The following HS3ST4 variants were observed in gnomAD, a reference collection of about 807,000 sequenced individuals.
The protein encoded by HS3ST4 is heparan sulfate-glucosamine 3-sulfotransferase 4.
A neutral mutation model predicts 29.2 loss-of-function variants in HS3ST4; 17 were observed. The observed-to-expected ratio is 0.58, with a 90% CI of 0.40 to 0.87. The LOEUF (loss-of-function observed/expected upper bound fraction) is 0.87. HS3ST4 is among the 40% of genes least tolerant of loss of function. HS3ST4 has a pLI of 0.00. For missense variants in HS3ST4, 627 were observed against 634.5 expected (o/e 0.99, Z 0.13); for synonymous variants, 314 against 285.7 (o/e 1.10, Z -1.00).
chr16:26,066,935 T>C (rs983055318), intron 1 of HS3ST4, among the ~76,000 whole-genome samples: 1 of 152,180 alleles, frequency 6.6e-6, no homozygotes, highest in Non-Finnish European at 1.5e-5. Flanking sequence ...TTTTATGTAG[T>C]AAATAATCAT....
At chr16:26,089,459 G>A (rs1040015091) in intron 1 of HS3ST4, among the ~76,000 whole-genome samples, 1 of 152,186 alleles carries the variant, frequency 6.6e-6, no homozygotes, top group Admixed American at 6.5e-5. Flanking sequence ...AGGGTGGGGC[G>A]TAAAATCAGA....
intron 1 of HS3ST4, among the ~76,000 whole-genome samples, chr16:25,985,370 T>C (rs1216047197): frequency 6.6e-6 from 1 of 152,158 alleles, no homozygotes; most frequent in South Asian, 2.1e-4. Context: ...AGGTGGTTGC[T>C]TGCAGTTCTG....
chr16:25,854,329 G>A (rs1162742948), intron 1 of HS3ST4, among the ~76,000 whole-genome samples: 1 of 152,108 alleles, frequency 6.6e-6, no homozygotes, highest in Admixed American at 6.6e-5. Context: ...CATTGTCATG[G>A]CATTTGTAAA....
chr16:25,764,561 C>T (rs1015027570), intron 1 of HS3ST4, among the ~76,000 whole-genome samples: 1 of 152,178 alleles, frequency 6.6e-6, no homozygotes, highest in African/African-American at 2.4e-5. Context: ...CTGTGCCAGC[C>T]ACTGTTTGAA....
chr16:25,867,424 G>A (rs1175249182), intron 1 of HS3ST4, among the ~76,000 whole-genome samples: 1 of 152,158 alleles, frequency 6.6e-6, no homozygotes, highest in Non-Finnish European at 1.5e-5. Flanking sequence ...TCCCTAAGAG[G>A]AGGGACTGCT....
chr16:26,028,606 A>G (rs1208347326), intron 1 of HS3ST4, among the ~76,000 whole-genome samples: 1 of 152,150 alleles, frequency 6.6e-6, no homozygotes, highest in Non-Finnish European at 1.5e-5. Flanking sequence ...GCTGAGTGCA[A>G]TGTGATGGGC....
chr16:26,055,659 C>T (rs886184746), intron 1 of HS3ST4, among the ~76,000 whole-genome samples: 1 of 152,180 alleles, frequency 6.6e-6, no homozygotes, highest in Admixed American at 6.5e-5. Context: ...ATCTTCAAAT[C>T]CTGTAAACCT....
At chr16:25,838,364 G>T (rs565472447) in intron 1 of HS3ST4, among the ~76,000 whole-genome samples, 1 of 152,052 alleles carries the variant, frequency 6.6e-6, no homozygotes, top group African/African-American at 2.4e-5. Flanking sequence ...CTTTCATTCA[G>T]CATTTACTTA....
chr16:25,828,301 C>CCTCTCTCTCTCTCTCT (rs1196055715), intron 1 of HS3ST4, among the ~76,000 whole-genome samples: 15 of 32,892 alleles, frequency 4.6e-4, no homozygotes, highest in African/African-American at 1.0e-3. Context: ...TCTTTCTTTC[C>CCTCTCTCTCTCTCTCT]CTCTCTCTCT....
intron 1 of HS3ST4, among the ~76,000 whole-genome samples, chr16:25,885,730 A>G (rs181216585): frequency 1.9e-4 from 29 of 152,084 alleles, no homozygotes; most frequent in South Asian, 6.2e-4. Flanking sequence ...ATATATGTAT[A>G]TGTGTGTAAA....
At chr16:25,958,268 A>C (rs1329304384) in intron 1 of HS3ST4, among the ~76,000 whole-genome samples, 1 of 152,236 alleles carries the variant, frequency 6.6e-6, no homozygotes, top group Non-Finnish European at 1.5e-5. Context: ...TTAGTGTCTC[A>C]AATAATAACA....
intron 1 of HS3ST4, among the ~76,000 whole-genome samples, chr16:25,802,087 A>G (rs1966942516): frequency 6.6e-6 from 1 of 151,906 alleles, no homozygotes; most frequent in African/African-American, 2.4e-5. Flanking sequence ...GTGAAGGGAC[A>G]GACAGCAAAC....
intron 1 of HS3ST4, among the ~76,000 whole-genome samples, chr16:25,847,168 T>A (rs1398699488): frequency 6.6e-6 from 1 of 152,200 alleles, no homozygotes; most frequent in Non-Finnish European, 1.5e-5. Context: ...ACATGGCATG[T>A]CTTTTAACTT....
chr16:25,979,325 G>T (rs2141721335), intron 1 of HS3ST4, among the ~76,000 whole-genome samples: 1 of 152,338 alleles, frequency 6.6e-6, no homozygotes, highest in East Asian at 1.9e-4. Flanking sequence ...TCCATGGCCT[G>T]TTAGGAGCCG....
At chr16:26,115,359 TAG>T (rs1899188716) in intron 1 of HS3ST4, among the ~76,000 whole-genome samples, 1 of 151,570 alleles carries the variant, frequency 6.6e-6, no homozygotes, top group Non-Finnish European at 1.5e-5. Flanking sequence ...TTGGGTAGCA[TAG>T]AGAGACAGGG....
At chr16:25,735,380 G>A (rs1240914301) in intron 1 of HS3ST4, among the ~76,000 whole-genome samples, 1 of 151,628 alleles carries the variant, frequency 6.6e-6, no homozygotes, top group African/African-American at 2.4e-5. Context: ...GTTCTCATGT[G>A]TACTTTTTCT....
At chr16:25,772,590 T>C (rs1379107936) in intron 1 of HS3ST4, among the ~76,000 whole-genome samples, 1 of 152,198 alleles carries the variant, frequency 6.6e-6, no homozygotes, top group East Asian at 1.9e-4. Context: ...CTTTATCTTC[T>C]TATGGGCTTT....
chr16:25,776,681 A>G (rs972390754), intron 1 of HS3ST4, among the ~76,000 whole-genome samples: 5 of 152,220 alleles, frequency 3.3e-5, no homozygotes, highest in Admixed American at 1.3e-4. Context: ...AAATGATCAG[A>G]TACCGTGGTC....
intron 1 of HS3ST4, among the ~76,000 whole-genome samples, chr16:26,077,058 T>C (rs947532498): frequency 2.6e-5 from 4 of 152,204 alleles, no homozygotes; most frequent in Non-Finnish European, 5.9e-5. Flanking sequence ...TCTTCTGCTC[T>C]ACTCACCTGG....
Sources: allele counts gnomAD v4.1 joint callset (sites outside exome capture counted in the v4.1 genomes callset), GRCh38; gene constraint gnomAD v4.1.1; transcripts MANE v1.5; gene names NCBI Gene and HGNC (gene_info 2026-07-23, HGNC 2026-07-21).